PTPRD: variants seen among roughly 807,000 people sequenced by gnomAD.
The protein encoded by PTPRD is protein tyrosine phosphatase receptor type D, also known as receptor-type tyrosine-protein phosphatase delta.
PTPRD carries 34 observed loss-of-function variants against 214.5 expected under a neutral mutation model. That is an observed-to-expected ratio of 0.16 (90% CI 0.12 to 0.21). PTPRD has a LOEUF of 0.21. PTPRD is among the 10% of genes least tolerant of loss of function. PTPRD has a pLI of 1.00. For missense variants in PTPRD, 2,545 were observed against 2,398.7 expected (o/e 1.06, Z -1.27); for synonymous variants, 1,128 against 845.7 (o/e 1.33, Z -5.79).
At chr9:10,513,693 T>C (rs10115899) in intron 2 of PTPRD, among the ~76,000 whole-genome samples, 48,805 of 151,954 alleles carry the variant, frequency 0.32, 8,025 homozygotes, top group South Asian at 0.46. Flanking sequence ...GTGAATACTT[T>C]GAAAGTCAGG....
intron 12 of PTPRD, chr9:8,701,464 G>C (rs2098082602): frequency 6.6e-6 from 1 of 151,910 alleles, no homozygotes; most frequent in Admixed American, 6.6e-5. Context: ...GAGAAACCCC[G>C]TCTCTACCAA....
chr9:10,098,490 T>C (rs1345966813), intron 3 of PTPRD, among the ~76,000 whole-genome samples: 1 of 151,682 alleles, frequency 6.6e-6, no homozygotes, highest in Non-Finnish European at 1.5e-5. Flanking sequence ...ACTTAAAGTA[T>C]AATAATAATA....
At chr9:9,520,633 C>T (rs750746430) in intron 8 of PTPRD, among the ~76,000 whole-genome samples, 17 of 152,114 alleles carry the variant, frequency 1.1e-4, no homozygotes, top group Admixed American at 2.0e-4. Flanking sequence ...AAACAGTTAT[C>T]GAGATATAAA....
intron 4 of PTPRD, among the ~76,000 whole-genome samples, chr9:9,940,483 T>C (rs1488424253): frequency 6.6e-6 from 1 of 152,042 alleles, no homozygotes; most frequent in East Asian, 1.9e-4. Context: ...CTTAATGGGG[T>C]TTGAAATTAG....
intron 5 of PTPRD, among the ~76,000 whole-genome samples, chr9:9,852,172 T>C (rs1245627847): frequency 6.6e-6 from 1 of 151,990 alleles, no homozygotes; most frequent in Non-Finnish European, 1.5e-5. Flanking sequence ...AAAAAAAAAT[T>C]TGTTTTTGAA....
chr9:10,047,052 T>C (rs2097413299), intron 3 of PTPRD, among the ~76,000 whole-genome samples: 1 of 151,972 alleles, frequency 6.6e-6, no homozygotes, highest in Non-Finnish European at 1.5e-5. Flanking sequence ...AAACATCTTT[T>C]TCTATCTTGT....
At chr9:9,463,369 G>C (rs1167353657) in intron 8 of PTPRD, among the ~76,000 whole-genome samples, 1 of 152,104 alleles carries the variant, frequency 6.6e-6, no homozygotes, top group East Asian at 1.9e-4. Context: ...ATGAGAGAGT[G>C]GGTTGGAAGA....
chr9:10,425,807 C>T (rs1247406185), intron 2 of PTPRD, among the ~76,000 whole-genome samples: 1 of 151,858 alleles, frequency 6.6e-6, no homozygotes, highest in East Asian at 1.9e-4. Flanking sequence ...TAATAGCAGG[C>T]TGACTCAATT....
At chr9:9,789,582 G>C (rs556418312) in intron 5 of PTPRD, among the ~76,000 whole-genome samples, 1 of 151,780 alleles carries the variant, frequency 6.6e-6, no homozygotes, top group South Asian at 2.1e-4. Context: ...CGGATCAGGA[G>C]ATCAGGAGAT....
intron 6 of PTPRD, among the ~76,000 whole-genome samples, chr9:9,742,542 A>C (rs1008083927): frequency 2.0e-5 from 3 of 152,146 alleles, no homozygotes; most frequent in Non-Finnish European, 4.4e-5. Context: ...TTTGAGAATG[A>C]GGATATGGGT....
At chr9:10,167,890 G>T (rs911891827) in intron 3 of PTPRD, among the ~76,000 whole-genome samples, 1 of 152,138 alleles carries the variant, frequency 6.6e-6, no homozygotes, top group East Asian at 1.9e-4. Context: ...CATACTGTGT[G>T]ATAGAAGAGA....
chr9:10,160,377 G>T (rs555748378), intron 3 of PTPRD, among the ~76,000 whole-genome samples: 8 of 151,932 alleles, frequency 5.3e-5, no homozygotes, highest in Non-Finnish European at 1.2e-4. Flanking sequence ...TAAAAGAAAA[G>T]CCCAGAATCT....
Position 10,458,160 on chromosome 9 carries a change from T to C in PTPRD, c.-599-117143A>G, listed in dbSNP as rs180739727. On this transcript the variant is annotated intron_variant, in intron 2 of 45. Coordinates refer to ENST00000381196, the MANE Select transcript of PTPRD (RefSeq NM_002839.4). ...ATTAATATTAATCCTTCTTAACTTC[T>C]TCCATAATAGAGCTGGAGGGCATAA... Among the ~76,000 whole-genome samples, 5 of 152,180 alleles carry C rather than the reference T, an allele frequency of 3.3e-5. No homozygotes were observed. The East Asian group carries it at 9.6e-4, about 29-fold the overall frequency.
intron 8 of PTPRD, among the ~76,000 whole-genome samples, chr9:9,470,318 G>C (rs1240629422): frequency 1.3e-5 from 2 of 152,064 alleles, no homozygotes; most frequent in Non-Finnish European, 1.5e-5. Flanking sequence ...TCATCTTGAA[G>C]TACTGGAAAC....
chr9:10,085,211 G>A (rs1486409929), intron 3 of PTPRD, among the ~76,000 whole-genome samples: 1 of 151,686 alleles, frequency 6.6e-6, no homozygotes, highest in Non-Finnish European at 1.5e-5. Context: ...TTATAAATAA[G>A]TATATACCAA....
chr9:9,995,942 C>G (rs2096106998), intron 4 of PTPRD, among the ~76,000 whole-genome samples: 1 of 152,080 alleles, frequency 6.6e-6, no homozygotes, highest in Non-Finnish European at 1.5e-5. Context: ...CAAAACAATC[C>G]ATTTATTTCT....
intron 5 of PTPRD, among the ~76,000 whole-genome samples, chr9:9,838,005 G>A (rs564309865): frequency 1.4e-3 from 209 of 152,206 alleles, no homozygotes; most frequent in Non-Finnish European, 1.6e-3. Flanking sequence ...ACCAATGAGT[G>A]AGAACACACG....
intron 11 of PTPRD, among the ~76,000 whole-genome samples, chr9:9,015,227 T>C (rs1177623026): frequency 6.6e-6 from 1 of 152,118 alleles, no homozygotes; most frequent in Non-Finnish European, 1.5e-5. Context: ...TACTGGGCTG[T>C]ATTCTCAGAG....
At chr9:10,497,541 T>C (rs1211541769) in intron 2 of PTPRD, among the ~76,000 whole-genome samples, 2 of 152,066 alleles carry the variant, frequency 1.3e-5, no homozygotes, top group Non-Finnish European at 2.9e-5. Flanking sequence ...ACATGTATTT[T>C]ATTTGCGCAT....
Sources: gnomAD v4.1 joint callset for allele counts (sites outside exome capture counted in the v4.1 genomes callset) on GRCh38, gnomAD v4.1.1 for gene constraint, MANE v1.5 for transcripts, NCBI Gene and HGNC (gene_info 2026-07-23, HGNC 2026-07-21) for gene names.